Variants in EGFL6 observed in about 807,000 individuals in gnomAD.
EGFL6 encodes the protein EGF like domain multiple 6.
A neutral mutation model predicts 43.1 loss-of-function variants in EGFL6; 42 were observed. The ratio of observed to expected loss-of-function variants is 0.98; its 90% CI spans 0.76 to 1.26. The LOEUF is 1.26. Ranked by LOEUF, EGFL6 falls within the 50% of genes most tolerant of loss-of-function variation. EGFL6 has a pLI of 0.00. For synonymous variants in EGFL6, 164 were observed against 163.2 expected (o/e 1.01, Z -0.04); for missense variants, 429 against 427.8 (o/e 1.00, Z -0.02).
intron 11 of EGFL6, among the ~76,000 whole-genome samples, chrX:13,628,145 C>G: frequency 9.0e-6 from 1 of 111,175 alleles, no homozygotes; most frequent in Non-Finnish European, 1.9e-5. Context: ...CAAAGGCACT[C>G]TTAATCAAAG....
intron 7 of EGFL6, among the ~76,000 whole-genome samples, chrX:13,613,258 GA>G (rs1017539240): frequency 5.6e-5 from 6 of 106,956 alleles, no homozygotes; most frequent in African/African-American, 2.1e-4. Context: ...TTGCAATATG[GA>G]AAAAGAGTTA....
Position 13,619,283 on chromosome X carries a change from T to G in EGFL6, c.1183+40T>G, listed in dbSNP as rs968857634. ...CTCCCAAGTGTATGCTCTTTCATGT[T>G]GTCCTGGTCGTTTTCATTTCTTCAT... On this transcript the variant is annotated intron_variant, in intron 9 of 11. Transcript: ENST00000361306. The G allele has an allele frequency of 5.4e-6, 6 of 1,102,040 alleles. No individual in the cohort carries two copies. The African/African-American group carries it at 1.1e-4, about 20-fold the overall frequency. 90.8% of individuals were successfully genotyped at this position (1,102,040 alleles called of 1,213,427 possible). A position where few individuals can be genotyped will look rare whatever the true frequency, so the allele number is the denominator to read the frequency against.
At chrX:13,626,930 T>C in intron 10 of EGFL6, 81 bp from the exon 11 acceptor site, 1 of 1,063,444 alleles carries the variant, frequency 9.4e-7, no homozygotes, top group Non-Finnish European at 1.3e-6. Flanking sequence ...ATTGTTTACT[T>C]TTTATAGCTT....
At chrX:13,611,216 AGAGGTTCATTGT>A (rs971052794) in intron 7 of EGFL6, among the ~76,000 whole-genome samples, 2 of 111,789 alleles carry the variant, frequency 1.8e-5, no homozygotes, top group African/African-American at 6.5e-5. Context: ...TATGTCTCAC[AGAGGTTCATTGT>A]GAGGTTTAAA....
In EGFL6 at chrX:13,603,367, G is replaced by A; in HGVS notation, c.451G>A (p.Glu151Lys). Residue 151 changes from glutamate to lysine, a missense_variant, in exon 5 of 12, where the codon GAA (glutamate) becomes AAA (lysine). Transcript: ENST00000361306. ...CTGTCAGTACAGCTGTGAAGACACA[G>A]AAGAAGGGCCACAGTGCCTGTGTCC... ...INCQYSCEDT[E>K]EGPQCLCPSS... 8.3e-7 allele frequency: 1 copy of A among 1,210,700 alleles called. No individual in the cohort carries two copies. The highest frequency in any genetic ancestry group is 1.1e-6 in the Non-Finnish European group (1 of 894,781).
At chrX:13,589,754 C>A in intron 2 of EGFL6, 86 bp downstream of exon 2, 1 of 759,735 alleles carries the variant, frequency 1.3e-6, no homozygotes, top group Non-Finnish European at 1.9e-6. Context: ...ACAAAATTGC[C>A]AGTGGATCTC....
At chrX:13,603,290 A>AAGGCTAATCCTT (rs778449057) in intron 4 of EGFL6, 27 bp from the exon 5 acceptor site, 3 of 1,177,125 alleles carry the variant, frequency 2.5e-6, no homozygotes, top group Non-Finnish European at 2.3e-6. Context: ...TCAAGAGAGA[A>AAGGCTAATCCTT]AGGCTAATCC....
At position 13,627,161 on chromosome X, in the gene EGFL6, G is replaced by A. The variant is rs148690469; in HGVS notation, c.1436G>A (p.Arg479Gln). 9 of 1,210,660 alleles carry A rather than the reference G, an allele frequency of 7.4e-6. No individual in the cohort carries two copies. Among genetic ancestry groups the A allele is most frequent in the Middle Eastern group, 2.3e-4 (1 of 4,376 alleles). The change falls in exon 11 of 12, where the codon CGA (arginine) becomes CAA (glutamine). Residue 479 changes from arginine to glutamine, a missense_variant. Coordinates refer to ENST00000361306, the MANE Select transcript of EGFL6 (RefSeq NM_015507.4). The stretch of plus-strand genomic sequence containing the variant: ...GCCGGAGACAAAGTCGGGAAACTTC[G>A]AGTGTTTGTGAAAAACAGTAACAAT... ...RLAGDKVGKL[R>Q]VFVKNSNNAL...
chrX:13,628,003 T>C (rs760281557), intron 11 of EGFL6, among the ~76,000 whole-genome samples: 2 of 111,804 alleles, frequency 1.8e-5, no homozygotes, highest in Non-Finnish European at 3.8e-5. Flanking sequence ...TGTGATCACC[T>C]GCATAGCTGA....
At chrX:13,611,231 G>A (rs2045687131) in intron 7 of EGFL6, among the ~76,000 whole-genome samples, 1 of 111,732 alleles carries the variant, frequency 8.9e-6, no homozygotes, top group African/African-American at 3.3e-5. Context: ...TTCATTGTGA[G>A]GTTTAAATGA....
At chrX:13,607,026 A>G (rs192938447) in intron 6 of EGFL6, among the ~76,000 whole-genome samples, 292 of 111,917 alleles carry the variant, frequency 2.6e-3, no homozygotes, top group African/African-American at 9.3e-3. Flanking sequence ...TCATAGTTCA[A>G]GCTCCAAATA....
intron 4 of EGFL6, among the ~76,000 whole-genome samples, chrX:13,602,600 C>T (rs146689955): frequency 1.7e-4 from 19 of 111,654 alleles, no homozygotes; most frequent in African/African-American, 5.5e-4. Context: ...TAAGTGGGTA[C>T]GGGTGATGCC....
intron 1 of EGFL6, among the ~76,000 whole-genome samples, chrX:13,571,551 A>T (rs747827684): frequency 2.7e-5 from 3 of 111,810 alleles, no homozygotes; most frequent in Non-Finnish European, 5.6e-5. Flanking sequence ...TGAGATTAAT[A>T]GTTCTTTAGC....
chrX:13,622,043 G>GAT (rs922710992), intron 9 of EGFL6, among the ~76,000 whole-genome samples: 1 of 112,230 alleles, frequency 8.9e-6, no homozygotes, highest in East Asian at 2.8e-4. Context: ...CTGAAAAGCT[G>GAT]ATATTCCACT....
chrX:13,570,909 T>A (rs1307475513), intron 1 of EGFL6, among the ~76,000 whole-genome samples: 1 of 112,015 alleles, frequency 8.9e-6, no homozygotes, highest in Non-Finnish European at 1.9e-5. Context: ...GGTTTTCTGG[T>A]TCTCTAACTG....
Position 13,612,567 on chromosome X carries a change from T to C in EGFL6, c.778+4121T>C, listed in dbSNP as rs1222235909. 2.7e-5 allele frequency among the ~76,000 whole-genome samples: 3 copies of C among 110,917 alleles called. No homozygotes were observed. In the East Asian group the frequency reaches 8.5e-4, roughly 32 times the overall value. On this transcript the variant is annotated intron_variant, in intron 7 of 11. Transcript: ENST00000361306. The stretch of plus-strand genomic sequence containing the variant: ...TTCTCAATGAGCTGTTGGGTACACC[T>C]CCCAGACGGGGTGGCGGCCGGGCAG...
chrX:13,581,778 T>C (rs1041800284), intron 1 of EGFL6, among the ~76,000 whole-genome samples: 1 of 112,248 alleles, frequency 8.9e-6, no homozygotes, highest in Non-Finnish European at 1.9e-5. Context: ...ATTTGATCAA[T>C]GTAGACAGCA....
chrX:13,581,126 C>T (rs761000798), intron 1 of EGFL6, among the ~76,000 whole-genome samples: 1 of 112,171 alleles, frequency 8.9e-6, no homozygotes, highest in South Asian at 3.7e-4. Context: ...AACTCCTGAG[C>T]TTGGAAGATA....
rs2045429138 is a variant in EGFL6 at position 13,569,795 on chromosome X, T to C, written c.-67T>C. Reference sequence around the variant, plus strand: ...AGGAGAGAGGAGGCGGCGGCTTAGCTGCTACGGGGTCCGGCCGGCGCCCTC... The same window carrying C: ...AGGAGAGAGGAGGCGGCGGCTTAGCCGCTACGGGGTCCGGCCGGCGCCCTC... On this transcript the variant is annotated 5_prime_UTR_variant, in exon 1 of 12. Transcript: ENST00000361306. 8 of 1,117,853 alleles carry C rather than the reference T, an allele frequency of 7.2e-6. No homozygotes were observed. In the South Asian group the frequency reaches 1.5e-4, roughly 21 times the overall value. The allele number at this position is 1,117,853 out of a possible 1,213,427, so 92.1% of individuals were successfully genotyped here.
Sources: allele counts gnomAD v4.1 joint callset (sites outside exome capture counted in the v4.1 genomes callset), GRCh38; gene constraint gnomAD v4.1.1; transcripts MANE v1.5; gene names NCBI Gene and HGNC (gene_info 2026-07-23, HGNC 2026-07-21).